KALRN: variants seen among roughly 807,000 people sequenced by gnomAD.
The protein encoded by KALRN is kalirin RhoGEF kinase, also known as kalirin.
A neutral mutation model predicts 353.7 loss-of-function variants in KALRN; 70 were observed. The observed-to-expected ratio is 0.20, with a 90% confidence interval of 0.16 to 0.24. KALRN has a LOEUF of 0.24. Among genes scored for constraint, KALRN ranks in the 10% least tolerant of loss-of-function variants. KALRN has a pLI of 1.00. For missense variants in KALRN, 2,791 were observed against 3,756.7 expected (o/e 0.74, Z 6.72); for synonymous variants, 1,391 against 1,434.8 (o/e 0.97, Z 0.69).
intron 10 of KALRN, among the ~76,000 whole-genome samples, chr3:124,356,940 T>C (rs1483662627): frequency 6.6e-6 from 1 of 152,198 alleles, no homozygotes; most frequent in African/African-American, 2.4e-5. Flanking sequence ...TCGATATTTA[T>C]AAACCCATTG....
intron 5 of KALRN, among the ~76,000 whole-genome samples, chr3:124,279,671 G>A (rs2075144547): frequency 6.6e-6 from 1 of 152,176 alleles, no homozygotes; most frequent in Non-Finnish European, 1.5e-5. Context: ...TAACCAGTCT[G>A]GCAGGATCTT....
At chr3:124,704,885 G>A (rs531989878) in intron 57 of KALRN, among the ~76,000 whole-genome samples, 1 of 152,278 alleles carries the variant, frequency 6.6e-6, no homozygotes, top group East Asian at 1.9e-4. Context: ...TGAGACACAG[G>A]AAAGATATCT....
intron 7 of KALRN, among the ~76,000 whole-genome samples, chr3:124,328,369 C>A (rs2080142511): frequency 6.6e-6 from 1 of 152,194 alleles, no homozygotes; most frequent in Admixed American, 6.5e-5. Flanking sequence ...CTGCTTCTCT[C>A]TTTGTCTCTC....
At chr3:124,534,377 G>A (rs1390046500) in intron 33 of KALRN, among the ~76,000 whole-genome samples, 4 of 152,138 alleles carry the variant, frequency 2.6e-5, no homozygotes, top group Non-Finnish European at 4.4e-5. Context: ...CAGTGGGGAC[G>A]TGGGGGGCCA....
chr3:124,052,030 G>A (rs1387209533), intron 1 of KALRN, among the ~76,000 whole-genome samples: 3 of 152,190 alleles, frequency 2.0e-5, no homozygotes, highest in East Asian at 1.9e-4. Flanking sequence ...GATAGCAGGT[G>A]GGGGGACAGG....
rs1285210270 is a variant in KALRN, at chr3:124,398,869, G to A, written c.2344G>A (p.Glu782Lys). Residue 782 changes from glutamate (E) to lysine (K), a missense_variant and splice_region_variant, in exon 13 of 60, where the codon GAG (glutamate) becomes AAG (lysine). Transcript: ENST00000682506. ...QLRIFEQYTI[E>K]VTAELDAWNE... ...GCGCATCTTTGAGCAGTACACCATC[G>A]AGGTAGCAGGGGGCCAGGAGGGGAG... 19 of 1,601,480 alleles carry A rather than the reference G, an allele frequency of 1.2e-5. No individual in the cohort carries two copies. Among genetic ancestry groups the A allele is most frequent in the East Asian group, 2.2e-5 (1 of 44,618 alleles).
At chr3:124,602,968 T>TTTTGTTTTG (rs1345016402) in intron 34 of KALRN, among the ~76,000 whole-genome samples, 34 of 113,608 alleles carry the variant, frequency 3.0e-4, no homozygotes, top group Admixed American at 1.6e-3. Flanking sequence ...TTTTGTTTTG[T>TTTTGTTTTG]TTTTGTTTTG....
chr3:124,602,772 T>C (rs921294633), intron 34 of KALRN, among the ~76,000 whole-genome samples: 1 of 152,204 alleles, frequency 6.6e-6, no homozygotes, highest in East Asian at 1.9e-4. Context: ...TGTGTGACTG[T>C]AGCATCCTTA....
At chr3:124,501,163 G>A (rs575004560) in intron 33 of KALRN, among the ~76,000 whole-genome samples, 4 of 152,270 alleles carry the variant, frequency 2.6e-5, no homozygotes, top group East Asian at 3.9e-4. Flanking sequence ...AGACATGTCC[G>A]GGTTGGCTGG....
chr3:124,477,466 A>G (rs1404722454), intron 27 of KALRN, 132 bp downstream of exon 27: 8 of 696,834 alleles, frequency 1.1e-5, no homozygotes, highest in Admixed American at 5.5e-5. Flanking sequence ...AACCTTAAGC[A>G]TGGAAAAAAA....
intron 3 of KALRN, among the ~76,000 whole-genome samples, chr3:124,247,101 C>T (rs754427114): frequency 1.3e-5 from 2 of 152,238 alleles, no homozygotes; most frequent in South Asian, 4.1e-4. Context: ...ATATTTGATA[C>T]GGACACTCTA....
chr3:124,135,834 G>C (rs570883335), intron 1 of KALRN, among the ~76,000 whole-genome samples: 2 of 152,142 alleles, frequency 1.3e-5, no homozygotes, highest in Non-Finnish European at 2.9e-5. Flanking sequence ...GCCCATTCTG[G>C]AGAAAGAAGG....
chr3:124,268,610 C>A, intron 4 of KALRN, 133 bp from the exon 5 acceptor site: 3 of 897,086 alleles, frequency 3.3e-6, no homozygotes, highest in Non-Finnish European at 5.2e-6. Flanking sequence ...GTCCCATGGC[C>A]TCCACTCACC....
At chr3:124,174,482 T>C (rs896542699) in intron 1 of KALRN, among the ~76,000 whole-genome samples, 6 of 152,320 alleles carry the variant, frequency 3.9e-5, no homozygotes, top group African/African-American at 1.4e-4. Context: ...CTCACTAGCT[T>C]GTCAGTTGCT....
chr3:124,396,324 C>T (rs77587030), intron 12 of KALRN, among the ~76,000 whole-genome samples: 2,048 of 152,286 alleles, frequency 0.013, 45 homozygotes, highest in African/African-American at 0.047. Flanking sequence ...AAGGCCCTGG[C>T]ATGTTTTTCT....
In KALRN at chr3:124,675,530, T is replaced by A. The variant is rs530511629; in HGVS notation, c.7193+916T>A. The A allele has an allele frequency of 1.3e-4, 19 of 150,914 alleles. No homozygotes were observed. In the South Asian group the frequency reaches 3.7e-3, roughly 30 times the overall value. The allele number at this position is 150,914 out of a possible 1,614,324, so 9.3% of individuals were successfully genotyped here. On this transcript the variant is annotated intron_variant, in intron 49 of 59. Transcript: ENST00000682506. ...TCCTCCTCTTCTTCTTTTTTTTTTT[T>A]TTTTTTTCCCTTTTCTGTATTTTAG...
chr3:124,209,044 TA>T (rs1252733351), intron 1 of KALRN, among the ~76,000 whole-genome samples: 1 of 152,104 alleles, frequency 6.6e-6, no homozygotes, highest in Non-Finnish European at 1.5e-5. Context: ...GTAAAAGCCC[TA>T]AACTCCTTCA....
chr3:124,601,150 C>G (rs1273663979), intron 34 of KALRN, among the ~76,000 whole-genome samples: 1 of 152,198 alleles, frequency 6.6e-6, no homozygotes, highest in Non-Finnish European at 1.5e-5. Flanking sequence ...ATGTCTTCAT[C>G]TGCGCACTTG....
intron 34 of KALRN, among the ~76,000 whole-genome samples, chr3:124,567,103 T>C (rs2109981429): frequency 6.6e-6 from 1 of 152,220 alleles, no homozygotes; most frequent in South Asian, 2.1e-4. Flanking sequence ...ATCTGGGAGC[T>C]TTTCCAAATG....
Sources: gnomAD v4.1 joint callset for allele counts (sites outside exome capture counted in the v4.1 genomes callset) on GRCh38, gnomAD v4.1.1 for gene constraint, MANE v1.5 for transcripts, NCBI Gene and HGNC (gene_info 2026-07-23, HGNC 2026-07-21) for gene names.